PTGER3: variants seen among roughly 807,000 people sequenced by gnomAD.
PTGER3 encodes the protein prostaglandin E receptor 3.
Under a neutral mutation model 34.7 loss-of-function variants are expected in PTGER3, and 22 were observed. The ratio of observed to expected loss-of-function variants is 0.63; its 90% confidence interval spans 0.45 to 0.91. PTGER3 has a LOEUF of 0.91. PTGER3 is among the 40% of genes least tolerant of loss of function. PTGER3 has a pLI of 0.00. For synonymous variants in PTGER3, 241 were observed against 230.1 expected (o/e 1.05, Z -0.43); for missense variants, 468 against 519.4 (o/e 0.90, Z 0.96).
chr1:70,994,903 A>C (rs1655798368), intron 2 of PTGER3, among the ~76,000 whole-genome samples: 2 of 152,206 alleles, frequency 1.3e-5, no homozygotes, highest in South Asian at 2.1e-4. Flanking sequence ...ACATTCTTGG[A>C]AGCTGAAGGT....
At chr1:70,869,256 T>A (rs774141890) in intron 4 of PTGER3, 8 of 471,204 alleles carry the variant, frequency 1.7e-5, no homozygotes, top group South Asian at 1.2e-4. Context: ...TCATGAGAAC[T>A]GCACCAAGTC....
chr1:70,855,222 G>A (rs978715649), intron 4 of PTGER3, among the ~76,000 whole-genome samples: 18 of 152,068 alleles, frequency 1.2e-4, no homozygotes, highest in African/African-American at 2.9e-4. Flanking sequence ...AAGCCCAGTC[G>A]CAAAGAGACC....
intron 4 of PTGER3, among the ~76,000 whole-genome samples, chr1:70,867,175 C>T (rs1317546387): frequency 6.6e-6 from 1 of 152,192 alleles, no homozygotes; most frequent in Admixed American, 6.5e-5. Context: ...TTCCCTTCTC[C>T]ACCTCTAAGA....
chr1:70,943,609 T>G (rs762123754), intron 4 of PTGER3, among the ~76,000 whole-genome samples: 5 of 152,144 alleles, frequency 3.3e-5, no homozygotes, highest in Non-Finnish European at 7.4e-5. Flanking sequence ...AACCAAGCAG[T>G]TGGTTTAACC....
chr1:70,862,088 A>G (rs1314518193), intron 4 of PTGER3, among the ~76,000 whole-genome samples: 2 of 152,024 alleles, frequency 1.3e-5, no homozygotes, highest in Non-Finnish European at 2.9e-5. Flanking sequence ...GAGGATCTAT[A>G]TATTGGCCAG....
chr1:71,007,670 C>T, intron 2 of PTGER3: 1 of 985,378 alleles, frequency 1.0e-6, no homozygotes, highest in Non-Finnish European at 1.2e-6. Context: ...AAATCACACG[C>T]ATTTCCCTCT....
intron 1 of PTGER3, among the ~76,000 whole-genome samples, chr1:71,015,097 GC>G (rs1412001287): frequency 6.6e-6 from 1 of 151,734 alleles, no homozygotes; most frequent in African/African-American, 2.4e-5. Context: ...TTCTACCCCT[GC>G]AACACTTTTA....
intron 2 of PTGER3, among the ~76,000 whole-genome samples, chr1:70,996,791 G>A (rs1553173563): frequency 6.6e-6 from 1 of 152,042 alleles, no homozygotes; most frequent in Non-Finnish European, 1.5e-5. Context: ...AGCCTCCGGA[G>A]TAGGTGGGAC....
chr1:70,860,353 G>A (rs887593196), intron 4 of PTGER3, among the ~76,000 whole-genome samples: 29 of 151,866 alleles, frequency 1.9e-4, no homozygotes, highest in Non-Finnish European at 2.8e-4. Context: ...ATTCCCCATC[G>A]GGGCTACTGT....
At chr1:70,962,290 G>T (rs2100635262) in intron 2 of PTGER3, among the ~76,000 whole-genome samples, 1 of 152,264 alleles carries the variant, frequency 6.6e-6, no homozygotes, top group Admixed American at 6.5e-5. Context: ...CCAAGATTGT[G>T]TTTAAATTCT....
chr1:71,039,666 A>AG (rs980610375), intron 1 of PTGER3, among the ~76,000 whole-genome samples: 5 of 150,962 alleles, frequency 3.3e-5, no homozygotes, highest in South Asian at 2.1e-4. Flanking sequence ...AAAAAAAAAA[A>AG]AAAAGAAAAA....
intron 4 of PTGER3, among the ~76,000 whole-genome samples, chr1:70,857,926 T>G (rs1033840103): frequency 4.6e-5 from 7 of 152,226 alleles, no homozygotes; most frequent in African/African-American, 1.7e-4. Flanking sequence ...ACACATAAAT[T>G]CAGGCCAGTT....
chr1:71,000,350 G>A (rs770542723), intron 2 of PTGER3, among the ~76,000 whole-genome samples: 1 of 152,168 alleles, frequency 6.6e-6, no homozygotes, highest in African/African-American at 2.4e-5. Context: ...ATTGACATGA[G>A]AATTTGATAA....
chr1:70,856,587 T>A lies in PTGER3; in HGVS notation c.*24-3728A>T, dbSNP rs1045049030. ...ATTACTGAAGAAATTTGCTCTGTAA[T>A]TTTATACCAACTCTTTATTATGGGC... On this transcript the variant is annotated intron_variant, in intron 4 of 4. Coordinates refer to the PTGER3 transcript ENST00000370931. 3.9e-5 allele frequency among the ~76,000 whole-genome samples: 6 copies of A among 152,172 alleles called. No homozygotes were observed. In the East Asian group the frequency reaches 1.2e-3, roughly 29 times the overall value.
chr1:70,969,008 A>G (rs111727115), downstream of PTGER3, among the ~76,000 whole-genome samples: 697 of 152,194 alleles, frequency 4.6e-3, 12 homozygotes, highest in African/African-American at 0.016. Flanking sequence ...GGAGTTCAAG[A>G]CCAGCCTGGC....
chr1:70,943,552 A>G (rs150587414), intron 4 of PTGER3, among the ~76,000 whole-genome samples: 24 of 152,248 alleles, frequency 1.6e-4, no homozygotes, highest in African/African-American at 5.5e-4. Context: ...TGCTGTTGCT[A>G]TTTTGTCAAC....
At chr1:71,005,318 A>T (rs543707181) in intron 2 of PTGER3, among the ~76,000 whole-genome samples, 2 of 152,302 alleles carry the variant, frequency 1.3e-5, no homozygotes, top group African/African-American at 4.8e-5. Flanking sequence ...AGTCCATTTG[A>T]CAGATTTGGA....
intron 4 of PTGER3, among the ~76,000 whole-genome samples, chr1:70,941,787 A>G (rs1649781902): frequency 6.6e-6 from 1 of 152,220 alleles, no homozygotes; most frequent in Non-Finnish European, 1.5e-5. Context: ...GCCTTAATTC[A>G]GAATCACTTG....
intron 4 of PTGER3, among the ~76,000 whole-genome samples, chr1:70,889,901 G>A (rs892819673): frequency 1.4e-4 from 22 of 151,734 alleles, no homozygotes; most frequent in South Asian, 6.3e-4. Flanking sequence ...AGCCACTTCC[G>A]ATCTTGCTTA....
Sources: gnomAD v4.1 joint callset for allele counts (sites outside exome capture counted in the v4.1 genomes callset) on GRCh38, gnomAD v4.1.1 for gene constraint, MANE v1.5 for transcripts, NCBI Gene and HGNC (gene_info 2026-07-23, HGNC 2026-07-21) for gene names.